The following CTPS2 variants were observed in gnomAD, a reference collection of about 807,000 sequenced individuals.
The protein encoded by CTPS2 is CTP synthase II.
Under a neutral mutation model 46.8 loss-of-function variants are expected in CTPS2, and 19 were observed. That is an observed-to-expected ratio of 0.41 (90% CI 0.28 to 0.60). CTPS2 has a LOEUF of 0.60. Ranked by LOEUF, CTPS2 falls within the 20% of genes least tolerant of loss-of-function variation. CTPS2 has a pLI of 0.35. For synonymous variants in CTPS2, 151 were observed against 165.2 expected, an observed-to-expected ratio of 0.91 and a Z score of 0.66; for missense variants, 286 against 447.6, an observed-to-expected ratio of 0.64 and a Z score of 3.26.
chrX:16,674,996 T>C (rs1229892564), intron 10 of CTPS2, among the ~76,000 whole-genome samples: 3 of 111,083 alleles, frequency 2.7e-5, no homozygotes, highest in African/African-American at 9.8e-5. Context: ...CCAGGCATGG[T>C]GGCTCATGCC....
chrX:16,691,180 G>A (rs747973343), intron 7 of CTPS2, among the ~76,000 whole-genome samples: 63 of 112,151 alleles, frequency 5.6e-4, no homozygotes, highest in African/African-American at 1.8e-3. Context: ...TTAGCCAGGC[G>A]TGGTGGCGCA....
Position 16,620,306 on chromosome X carries a change from T to C in CTPS2, c.1420A>G (p.Ile474Val), listed in dbSNP as rs769420240. The change falls in exon 15 of 19, where the codon ATA becomes GTA. Residue 474 changes from isoleucine (I) to valine (V), a missense_variant. Transcript: ENST00000359276. ...AACCGATGTCTGTGTCTTTCTTCTA[T>C]AAAAGGAACATCACCATAAAGTTTC... ...LRKLYGDVPF[I>V]EERHRHRFEV... 4 of 1,203,574 alleles carry C rather than the reference T, an allele frequency of 3.3e-6. No homozygotes were observed. The highest frequency in any genetic ancestry group is 4.5e-6 in the Non-Finnish European group (4 of 888,690).
At chrX:16,660,019 C>A (rs917245785) in intron 13 of CTPS2, among the ~76,000 whole-genome samples, 2 of 112,136 alleles carry the variant, frequency 1.8e-5, no homozygotes, top group African/African-American at 6.5e-5. Context: ...CTGCAACAAA[C>A]ATGAGTGCAG....
chrX:16,661,283 C>A (rs1440761450), intron 13 of CTPS2, among the ~76,000 whole-genome samples: 1 of 112,179 alleles, frequency 8.9e-6, no homozygotes, highest in Non-Finnish European at 1.9e-5. Flanking sequence ...CTAATGACTA[C>A]TTTTATGGGA....
intron 8 of CTPS2, 135 bp from the exon 9 acceptor site, chrX:16,683,361 G>A: frequency 1.7e-6 from 1 of 590,560 alleles, no homozygotes; most frequent in Non-Finnish European, 2.7e-6. Context: ...TACTCAGGAG[G>A]CTGAGGCGAG....
At chrX:16,639,759 GGA>G (rs1387325155) in intron 13 of CTPS2, among the ~76,000 whole-genome samples, 2 of 62,745 alleles carry the variant, frequency 3.2e-5, no homozygotes, top group African/African-American at 1.1e-4. Context: ...GAAAGAGAAA[GGA>G]AAAGAAAAGG....
At chrX:16,625,944 G>A (rs1195816555) in intron 14 of CTPS2, among the ~76,000 whole-genome samples, 1 of 111,530 alleles carries the variant, frequency 9.0e-6, no homozygotes. Context: ...CAACATTTGG[G>A]GGTGAAAACA....
intron 12 of CTPS2, 48 bp downstream of exon 12, chrX:16,667,612 AAG>A (rs908741704): frequency 5.0e-6 from 6 of 1,200,752 alleles, no homozygotes; most frequent in African/African-American, 1.8e-5. Flanking sequence ...AAAATATTTG[AAG>A]AGAGAAAATT....
In CTPS2 at chrX:16,674,786, A is replaced by C. The variant is rs749448740; in HGVS notation, c.1094+3576T>G. 2.3e-3 allele frequency among the ~76,000 whole-genome samples: 250 copies of C among 106,654 alleles called. 1 individual carries two copies. Among genetic ancestry groups the C allele is most frequent in the African/African-American group, 7.9e-3 (230 of 29,125 alleles). The allele number at this position is 106,654 out of a possible 115,157, so 92.6% of individuals were successfully genotyped here. ...CCAGGAGGCAGAGCTTGCAGTGAGC[A>C]GAGATTGCGCCACTGCACTCCAGCC... On this transcript the variant is annotated intron_variant, in intron 10 of 18. Coordinates refer to ENST00000359276, the MANE Select transcript of CTPS2 (RefSeq NM_175859.3).
chrX:16,667,543 CTG>C lies in CTPS2; in HGVS notation c.1265_1266del (p.Thr422ArgfsTer3). On this transcript the variant is annotated frameshift_variant, in exon 13 of 19. Coordinates refer to ENST00000359276, the MANE Select transcript of CTPS2 (RefSeq NM_175859.3). LOFTEE classifies it high-confidence loss of function. ...NCLNLKDADSTEFRPNAPVPL... is the reference protein window; with the variant it reads ...NCLNLKDADSXEFRPNAPVPL... ...GGAACTGGGGCATTTGGCCTAAACT[CTG>C]TGGAATCAGCATCTGAAGATTAAGA... 8.3e-7 allele frequency: 1 copy of C among 1,211,206 alleles called. No homozygotes were observed. The highest frequency in any genetic ancestry group is 1.1e-6 in the Non-Finnish European group (1 of 894,998).
chrX:16,656,106 C>A (rs962794942), intron 13 of CTPS2, among the ~76,000 whole-genome samples: 16 of 111,974 alleles, frequency 1.4e-4, no homozygotes, highest in African/African-American at 4.5e-4. Flanking sequence ...CTTTCCTAAG[C>A]CATTATCAAC....
chrX:16,596,141 T>C (rs1355285538), intron 17 of CTPS2, among the ~76,000 whole-genome samples: 2 of 111,934 alleles, frequency 1.8e-5, no homozygotes, highest in African/African-American at 3.2e-5. Flanking sequence ...CTCAAAGTAC[T>C]GGGATTACAG....
intron 2 of CTPS2, among the ~76,000 whole-genome samples, chrX:16,701,354 C>A (rs1026756698): frequency 9.1e-6 from 1 of 109,887 alleles, no homozygotes; most frequent in African/African-American, 3.3e-5. Flanking sequence ...CCCAGGAGGT[C>A]GAGACCAGCC....
At chrX:16,592,891 C>A (rs1928986706) in intron 17 of CTPS2, among the ~76,000 whole-genome samples, 1 of 111,340 alleles carries the variant, frequency 9.0e-6, no homozygotes, top group Admixed American at 9.5e-5. Flanking sequence ...CAATTATTGA[C>A]AAATATCGCC....
At chrX:16,686,011 G>T (rs1178087720) in intron 8 of CTPS2, among the ~76,000 whole-genome samples, 1 of 110,594 alleles carries the variant, frequency 9.0e-6, no homozygotes, top group Non-Finnish European at 1.9e-5. Flanking sequence ...CATGATAGAG[G>T]CTGTTCCTTT....
At chrX:16,665,980 G>A (rs1288838021) in intron 13 of CTPS2, among the ~76,000 whole-genome samples, 1 of 112,256 alleles carries the variant, frequency 8.9e-6, no homozygotes, top group African/African-American at 3.2e-5. Flanking sequence ...TCGAACTCCT[G>A]ACCTCAAGTG....
chrX:16,635,110 A>G (rs935535063), intron 14 of CTPS2, among the ~76,000 whole-genome samples: 1 of 111,853 alleles, frequency 8.9e-6, no homozygotes. Flanking sequence ...CTACTGGCCT[A>G]TAAGTCAAAT....
In CTPS2 at chrX:16,609,703, A is replaced by T. The variant is rs1930168999; in HGVS notation, c.1547-18T>A. 8.4e-7 allele frequency: 1 copy of T among 1,195,199 alleles called. No homozygotes were observed. Among genetic ancestry groups the T allele is most frequent in the Non-Finnish European group, 1.1e-6 (1 of 886,045 alleles). ...AGGATGATCTGAAATGAGAACAATC[A>T]CGATGCGATTAAAGCAGACAAACAG... On this transcript the variant is annotated intron_variant, in intron 16 of 18. Coordinates refer to ENST00000359276, the MANE Select transcript of CTPS2 (RefSeq NM_175859.3).
intron 16 of CTPS2, among the ~76,000 whole-genome samples, chrX:16,615,287 C>T (rs747416307): frequency 9.0e-6 from 1 of 111,206 alleles, no homozygotes; most frequent in African/African-American, 3.3e-5. Context: ...TGCAGTAAGC[C>T]ATGATCATGG....
Sources: allele counts gnomAD v4.1 joint callset (sites outside exome capture counted in the v4.1 genomes callset), GRCh38; gene constraint gnomAD v4.1.1; transcripts MANE v1.5; gene names NCBI Gene and HGNC (gene_info 2026-07-23, HGNC 2026-07-21).